The following UGT3A2 variants were observed in gnomAD, a reference collection of about 807,000 sequenced individuals.
UGT3A2 encodes the protein UDP glycosyltransferase family 3 member A2.
In UGT3A2, 32 loss-of-function variants were observed where a neutral mutation model predicts 39.8. The observed-to-expected ratio is 0.80, with a 90% CI of 0.61 to 1.08. UGT3A2 has a LOEUF of 1.08. Among genes scored for constraint, UGT3A2 ranks in the 50% least tolerant of loss-of-function variants. The pLI is 0.00. For missense variants in UGT3A2, 611 were observed against 637.1 expected (o/e 0.96, Z 0.44); for synonymous variants, 241 against 230.7 (o/e 1.04, Z -0.40).
rs1377923414 is a variant in UGT3A2, at chr5:36,039,566, C to CA, written c.985dup (p.Trp329LeufsTer28). The stretch of plus-strand genomic sequence containing the variant: ...GGGCCAATGAGAACACTGACACTTC[C>CA]ATATCACCCCTTGGGGTAGGTGAGC... On this transcript the variant is annotated frameshift_variant, in exon 5 of 7. Coordinates refer to ENST00000282507, the MANE Select transcript of UGT3A2 (RefSeq NM_174914.4). LOFTEE classifies it high-confidence loss of function. The CA allele has an allele frequency of 6.2e-7, 1 of 1,614,170 alleles. No individual in the cohort carries two copies. Among genetic ancestry groups the CA allele is most frequent in the East Asian group, 2.2e-5 (1 of 44,876 alleles).
chr5:36,057,304 G>T (rs1742543596), intron 2 of UGT3A2, among the ~76,000 whole-genome samples: 1 of 152,134 alleles, frequency 6.6e-6, no homozygotes, highest in Non-Finnish European at 1.5e-5. Flanking sequence ...TTCCTTGTTT[G>T]CAGACCTTCA....
chr5:36,060,946 A>T (rs1246010394), intron 2 of UGT3A2, among the ~76,000 whole-genome samples: 1 of 152,214 alleles, frequency 6.6e-6, no homozygotes, highest in African/African-American at 2.4e-5. Context: ...ACCTGAGATT[A>T]GGAGTTCAAG....
intron 4 of UGT3A2, among the ~76,000 whole-genome samples, chr5:36,042,078 A>G (rs1248101543): frequency 6.6e-6 from 1 of 152,066 alleles, no homozygotes; most frequent in Non-Finnish European, 1.5e-5. Context: ...TAAAAACAAA[A>G]AAGTAGAAAT....
chr5:36,058,506 C>A (rs553436176), intron 2 of UGT3A2, among the ~76,000 whole-genome samples: 1 of 152,254 alleles, frequency 6.6e-6, no homozygotes, highest in East Asian at 1.9e-4. Context: ...GCGTCTGCCA[C>A]CCAGAAGGCA....
intron 4 of UGT3A2, among the ~76,000 whole-genome samples, chr5:36,047,656 A>T (rs193294370): frequency 0.01 from 1,004 of 99,876 alleles, 11 homozygotes; most frequent in African/African-American, 0.027. Flanking sequence ...GAAGAAACAT[A>T]ATTTTTTTTA....
At chr5:36,060,913 T>C (rs376415515) in intron 2 of UGT3A2, among the ~76,000 whole-genome samples, 1 of 152,192 alleles carries the variant, frequency 6.6e-6, no homozygotes, top group Non-Finnish European at 1.5e-5. Context: ...CCCAGCACTT[T>C]GGAAGGCCAA....
intron 3 of UGT3A2, among the ~76,000 whole-genome samples, chr5:36,050,695 C>G (rs1248242816): frequency 6.6e-6 from 1 of 152,100 alleles, no homozygotes; most frequent in Non-Finnish European, 1.5e-5. Context: ...AATGCCGTCA[C>G]TACTAATAAT....
chr5:36,049,037 C>T lies in UGT3A2; in HGVS notation c.695G>A (p.Gly232Asp), dbSNP rs1285924410. Reference protein sequence around the residue: ...DNTIKEHFTEGSRPVLSHLLL... With the variant: ...DNTIKEHFTEDSRPVLSHLLL... ...AAGATGAGACAAAACTGGCCTAGAG[C>T]CTTCTGTGAAATGTTCCTTGATGGT... The change falls in exon 4 of 7, where the codon GGC (glycine) becomes GAC (aspartate). Residue 232 changes from glycine (G) to aspartate (D), a missense_variant. Transcript: ENST00000282507. 3.7e-6 allele frequency: 6 copies of T among 1,614,060 alleles called. 1 individual carries two copies. The South Asian group carries it at 6.6e-5, about 18-fold the overall frequency.
chr5:36,049,568 C>G, intron 3 of UGT3A2, 148 bp from the exon 4 acceptor site: 1 of 634,400 alleles, frequency 1.6e-6, no homozygotes, highest in Non-Finnish European at 2.6e-6. Flanking sequence ...CCACAAATAC[C>G]CTCTGCCATA....
rs531554794 is a variant in UGT3A2, at chr5:36,037,560, T to C, written c.1295+237A>G. 6.9e-4 allele frequency among the ~76,000 whole-genome samples: 105 copies of C among 152,240 alleles called. 1 individual carries two copies. The highest frequency in any genetic ancestry group is 2.4e-3 in the African/African-American group (101 of 41,552). On this transcript the variant is annotated intron_variant, in intron 6 of 6. Coordinates refer to ENST00000282507, the MANE Select transcript of UGT3A2 (RefSeq NM_174914.4). ...AGAGACCCCCTGTACATAGTCCAGG[T>C]TCCCCAAAATGAAAAGGTAGGAAGT... is the stretch of plus-strand genomic sequence containing the variant.
chr5:36,043,660 C>T (rs1484228316), intron 4 of UGT3A2, among the ~76,000 whole-genome samples: 1 of 151,780 alleles, frequency 6.6e-6, no homozygotes, highest in Non-Finnish European at 1.5e-5. Flanking sequence ...AAAATCAGAG[C>T]TAAAAAAAGA....
At chr5:36,055,299 C>T (rs1581012860) in intron 2 of UGT3A2, among the ~76,000 whole-genome samples, 1 of 151,990 alleles carries the variant, frequency 6.6e-6, no homozygotes. Flanking sequence ...ATGGCACAAT[C>T]TTGGCTCACT....
At chr5:36,052,370 CA>C (rs1742371402) in intron 2 of UGT3A2, among the ~76,000 whole-genome samples, 1 of 151,962 alleles carries the variant, frequency 6.6e-6, no homozygotes, top group Admixed American at 6.6e-5. Flanking sequence ...TAAATTCAGT[CA>C]AAAAGTACTA....
chr5:36,053,971 T>C (rs565364688), intron 2 of UGT3A2, among the ~76,000 whole-genome samples: 151 of 152,316 alleles, frequency 9.9e-4, no homozygotes, highest in Admixed American at 1.3e-3. Context: ...CTGGGCCACA[T>C]TGGAAGAAGA....
intron 2 of UGT3A2, among the ~76,000 whole-genome samples, chr5:36,055,022 C>A (rs1293539053): frequency 2.0e-5 from 3 of 151,892 alleles, no homozygotes; most frequent in Non-Finnish European, 2.9e-5. Flanking sequence ...GTATAAAATT[C>A]TTGGGTACCG....
chr5:36,039,386 T>C (rs1032354275), intron 5 of UGT3A2, 91 bp downstream of exon 5: 2 of 1,274,064 alleles, frequency 1.6e-6, no homozygotes, highest in Non-Finnish European at 2.3e-6. Context: ...CATTCACCAG[T>C]GGGTACAAAT....
chr5:36,052,139 G>A (rs1172579170), intron 2 of UGT3A2, among the ~76,000 whole-genome samples, 155 bp from the exon 3 acceptor site: 7 of 152,084 alleles, frequency 4.6e-5, no homozygotes, highest in Non-Finnish European at 1.5e-5. Context: ...TTATTTTTGA[G>A]ACAGAGTCTT....
chr5:36,051,826 T>C (rs762117779), intron 3 of UGT3A2, 44 bp downstream of exon 3: 7 of 1,425,040 alleles, frequency 4.9e-6, no homozygotes, highest in Non-Finnish European at 5.8e-6. Flanking sequence ...ATTTGTATTA[T>C]GAAAATGGTG....
chr5:36,064,216 G>A (rs1275216824), intron 2 of UGT3A2, 33 bp downstream of exon 2: 5 of 1,590,276 alleles, frequency 3.1e-6, no homozygotes, highest in Middle Eastern at 1.7e-4. Context: ...TTTGCTTGGA[G>A]TAGGAGAAAT....
Sources: gnomAD v4.1 joint callset for allele counts (sites outside exome capture counted in the v4.1 genomes callset) on GRCh38, gnomAD v4.1.1 for gene constraint, MANE v1.5 for transcripts, NCBI Gene and HGNC (gene_info 2026-07-23, HGNC 2026-07-21) for gene names.